The following UTP4 variants were observed in gnomAD, a reference collection of about 807,000 sequenced individuals.
The protein encoded by UTP4 is U3 small nucleolar RNA-associated protein 4 homolog.
UTP4 carries 45 observed loss-of-function variants against 82.4 expected under a neutral mutation model. The observed-to-expected ratio is 0.55, with a 90% confidence interval of 0.43 to 0.70. The LOEUF is 0.70. UTP4 is among the 30% of genes least tolerant of loss of function. UTP4 has a pLI of 0.00. For synonymous variants in UTP4, 348 were observed against 300.3 expected, an observed-to-expected ratio of 1.16 and a Z score of -1.64; for missense variants, 819 against 858.3, an observed-to-expected ratio of 0.95 and a Z score of 0.57.
Position 69,157,259 on chromosome 16 carries a change from G to A in UTP4, c.1444+19G>A. ...CAGTCAGGTGGGAATCTGGTAACTG[G>A]CCATGGGGAGACTTGTCGTGTCTAA... On this transcript the variant is annotated intron_variant, in intron 12 of 16. Transcript: ENST00000314423. 6.2e-7 allele frequency: 1 copy of A among 1,613,206 alleles called. No homozygotes were observed. Among genetic ancestry groups the A allele is most frequent in the Non-Finnish European group, 8.5e-7 (1 of 1,179,682 alleles).
intron 2 of UTP4, 59 bp from the exon 3 acceptor site, chr16:69,136,637 C>T: frequency 1.9e-6 from 3 of 1,556,620 alleles, no homozygotes; most frequent in Non-Finnish European, 2.7e-6. Context: ...CCTGTGACCA[C>T]TCAGTACCGG....
intron 4 of UTP4, among the ~76,000 whole-genome samples, chr16:69,138,718 A>C (rs1858950818): frequency 6.6e-6 from 1 of 152,176 alleles, no homozygotes; most frequent in South Asian, 2.1e-4. Flanking sequence ...CCAAACCTAC[A>C]TTGTCTGCCA....
chr16:69,141,503 C>G (rs1266332792), intron 5 of UTP4, among the ~76,000 whole-genome samples: 1 of 152,060 alleles, frequency 6.6e-6, no homozygotes, highest in African/African-American at 2.4e-5. Context: ...CCCCCAGGAG[C>G]TTTTAGGATG....
chr16:69,161,699 T>C (rs1963565106), intron 13 of UTP4, among the ~76,000 whole-genome samples: 1 of 152,236 alleles, frequency 6.6e-6, no homozygotes, highest in South Asian at 2.1e-4. Flanking sequence ...AGGGTTTCAC[T>C]CTGTCACCCA....
Position 69,133,482 on chromosome 16 carries a change from G to A in UTP4, c.23G>A (p.Arg8Gln). 1.9e-6 allele frequency: 3 copies of A among 1,614,118 alleles called. No homozygotes were observed. Among genetic ancestry groups the A allele is most frequent in the Non-Finnish European group, 2.5e-6 (3 of 1,180,008 alleles). Residue 8 changes from arginine (R) to glutamine (Q), a missense_variant, in exon 2 of 17, where the codon CGA becomes CAA. By Grantham distance (43) the Arg-to-Gln change is conservative. Coordinates refer to ENST00000314423, the MANE Select transcript of UTP4 (RefSeq NM_032830.3). MGEFKVH[R>Q]VRFFNYVPSG... Reference sequence around the variant, plus strand: ...GGAATGGGTGAATTTAAGGTCCATCGAGTACGTTTCTTTAATTATGTTCCA... The same window carrying A: ...GGAATGGGTGAATTTAAGGTCCATCAAGTACGTTTCTTTAATTATGTTCCA...
intron 13 of UTP4, among the ~76,000 whole-genome samples, chr16:69,162,300 TGGTGC>T (rs1963583527): frequency 6.7e-6 from 1 of 149,366 alleles, no homozygotes; most frequent in South Asian, 2.3e-4. Context: ...AAATGAGGAC[TGGTGC>T]GGTGGCTTAC....
chr16:69,137,491 G>T (rs1002141018), intron 3 of UTP4, among the ~76,000 whole-genome samples: 9 of 152,108 alleles, frequency 5.9e-5, no homozygotes, highest in African/African-American at 1.9e-4. Context: ...TAGGCCAAGG[G>T]TCTCTAGCAG....
In UTP4 at chr16:69,154,432, A is replaced by G; in HGVS notation, c.1139A>G (p.Asp380Gly). Residue 380 changes from aspartate to glycine, a missense_variant, in exon 10 of 17, where the codon GAT becomes GGT. Asp to Gly is a moderately conservative substitution (Grantham distance 94). Coordinates refer to ENST00000314423, the MANE Select transcript of UTP4 (RefSeq NM_032830.3). Reference sequence around the variant, plus strand: ...ACTCTTCCACTCTCTAAAAATGCAGATCATTTACTGCACCTAAAGACAAAG... The same window carrying G: ...ACTCTTCCACTCTCTAAAAATGCAGGTCATTTACTGCACCTAAAGACAAAG... ...GDTLPLSKNA[D>G]HLLHLKTKGP... 6.2e-7 allele frequency: 1 copy of G among 1,613,056 alleles called. No individual in the cohort carries two copies. The highest frequency in any genetic ancestry group is 1.7e-5 in the Admixed American group (1 of 60,006).
intron 15 of UTP4, chr16:69,165,978 GCTA>G (rs1007289822): frequency 3.6e-6 from 1 of 279,552 alleles, no homozygotes; most frequent in Non-Finnish European, 7.0e-6. Context: ...CTTCGCTAAA[GCTA>G]CTAAAACGCT....
At chr16:69,145,223 C>CA (rs1331179780) in intron 6 of UTP4, among the ~76,000 whole-genome samples, 1 of 151,956 alleles carries the variant, frequency 6.6e-6, no homozygotes. Flanking sequence ...CCTTGTCTTC[C>CA]AAATCTCTCT....
intron 12 of UTP4, among the ~76,000 whole-genome samples, chr16:69,158,743 C>T (rs1253371673): frequency 1.3e-5 from 2 of 152,136 alleles, no homozygotes; most frequent in African/African-American, 4.8e-5. Context: ...TTCTACTCCT[C>T]GTCACTTAGC....
intron 14 of UTP4, among the ~76,000 whole-genome samples, chr16:69,163,743 G>C (rs1963624643): frequency 1.3e-5 from 2 of 151,734 alleles, no homozygotes; most frequent in Admixed American, 6.6e-5. Context: ...ATTATATTAG[G>C]AAGTTATCAA....
chr16:69,152,219 T>C (rs1963290729), intron 8 of UTP4, among the ~76,000 whole-genome samples: 2 of 152,006 alleles, frequency 1.3e-5, no homozygotes, highest in African/African-American at 4.8e-5. Flanking sequence ...CAGTAGCTTC[T>C]TAATCATGTC....
chr16:69,168,416 G>A (rs952650485), intron 16 of UTP4, among the ~76,000 whole-genome samples: 1 of 133,846 alleles, frequency 7.5e-6, no homozygotes, highest in East Asian at 2.2e-4. Flanking sequence ...AGCCTGGGCG[G>A]CAGAGCGAGA....
Position 69,137,876 on chromosome 16 carries a change from C to T in UTP4, c.427C>T (p.Arg143Trp), listed in dbSNP as rs200047779. Residue 143 changes from arginine to tryptophan, a missense_variant, in exon 4 of 17, where the codon CGG becomes TGG. Coordinates refer to ENST00000314423, the MANE Select transcript of UTP4 (RefSeq NM_032830.3). ...AATCCAGTTTGAAAGAAATTTTGAT[C>T]GGCAGAAAAGTAAGCGTCATTTTTC... is the stretch of plus-strand genomic sequence containing the variant. The part of the protein sequence containing the change: ...DKIQFERNFD[R>W]QKSRILSLSW... 152 of 1,606,316 alleles carry T rather than the reference C, an allele frequency of 9.5e-5. No individual in the cohort carries two copies. The highest frequency in any genetic ancestry group is 1.7e-4 in the African/African-American group (13 of 74,730).
In UTP4 at chr16:69,165,519, A is replaced by G; in HGVS notation, c.1826A>G (p.Lys609Arg). 1 of 1,613,744 alleles carries G rather than the reference A, an allele frequency of 6.2e-7. No individual in the cohort carries two copies. The highest frequency in any genetic ancestry group is 8.5e-7 in the Non-Finnish European group (1 of 1,179,640). ...GCCTACATGTTCTGCATCATTGACA[A>G]GTCATTGGTGAGTTCTTCACTGCTA... is the stretch of plus-strand genomic sequence containing the variant. ...HDAYMFCIID[K>R]SLPLPNDKTL... The change falls in exon 15 of 17, where the codon AAG (lysine) becomes AGG (arginine). Residue 609 changes from lysine (K) to arginine (R), a missense_variant. Transcript: ENST00000314423.
intron 15 of UTP4, chr16:69,166,073 A>T (rs1228087618): frequency 1.1e-5 from 2 of 183,032 alleles, no homozygotes; most frequent in African/African-American, 4.8e-5. Flanking sequence ...TTTACATGGG[A>T]TACGAGCATT....
chr16:69,155,864 T>C lies in UTP4; in HGVS notation c.1165-7T>C, dbSNP rs200957784. Reference sequence around the variant, plus strand: ...TGCACATTCATCTTGATTCCTGATATTGCCAGGGTCCTGAGAACATTATCT... The same window carrying C: ...TGCACATTCATCTTGATTCCTGATACTGCCAGGGTCCTGAGAACATTATCT... On this transcript the variant is annotated splice_polypyrimidine_tract_variant and splice_region_variant and intron_variant, in intron 10 of 16. Transcript: ENST00000314423. The C allele has an allele frequency of 9.1e-5, 147 of 1,614,178 alleles. No individual in the cohort carries two copies. In the Middle Eastern group the frequency reaches 9.9e-4, roughly 11 times the overall value.
At chr16:69,155,529 A>C (rs1963388138) in intron 10 of UTP4, among the ~76,000 whole-genome samples, 1 of 152,192 alleles carries the variant, frequency 6.6e-6, no homozygotes, top group African/African-American at 2.4e-5. Context: ...CACAAAACAG[A>C]AAATAAGTAC....
Sources: allele counts gnomAD v4.1 joint callset (sites outside exome capture counted in the v4.1 genomes callset), GRCh38; gene constraint gnomAD v4.1.1; transcripts MANE v1.5; gene names NCBI Gene and HGNC (gene_info 2026-07-23, HGNC 2026-07-21).